The following TIAM2 variants were observed in gnomAD, a reference collection of about 807,000 sequenced individuals.
The protein encoded by TIAM2 is TIAM Rac1 associated GEF 2.
TIAM2 carries 80 observed loss-of-function variants against 152.9 expected under a neutral mutation model. The ratio of observed to expected loss-of-function variants is 0.52; its 90% CI spans 0.44 to 0.63. The LOEUF is 0.63. Ranked by LOEUF, TIAM2 falls within the 30% of genes least tolerant of loss-of-function variation. The probability of loss-of-function intolerance (pLI) is 0.00; values close to 1 mark genes in which losing one functional copy is unlikely to be tolerated. For missense variants in TIAM2, 1,965 were observed against 2,120.1 expected (o/e 0.93, Z 1.44); for synonymous variants, 804 against 838.0 (o/e 0.96, Z 0.70).
intron 1 of TIAM2, among the ~76,000 whole-genome samples, chr6:155,054,669 C>T (rs1242909373): frequency 2.0e-5 from 3 of 151,864 alleles, no homozygotes; most frequent in Admixed American, 6.6e-5. Context: ...CAACCTCCCG[C>T]CCCCTGGGTT....
intron 2 of TIAM2, among the ~76,000 whole-genome samples, chr6:155,117,232 G>T (rs1779037098): frequency 6.6e-6 from 1 of 152,084 alleles, no homozygotes; most frequent in Non-Finnish European, 1.5e-5. Flanking sequence ...CCCTGAGCCA[G>T]AATAGGTTCA....
At chr6:155,098,908 C>A (rs771124447) in intron 2 of TIAM2, among the ~76,000 whole-genome samples, 8 of 152,182 alleles carry the variant, frequency 5.3e-5, no homozygotes, top group Non-Finnish European at 8.8e-5. Flanking sequence ...TACCATAAGG[C>A]CGGGTGCAGT....
chr6:155,101,656 T>C (rs1338969656), intron 2 of TIAM2, among the ~76,000 whole-genome samples: 2 of 152,206 alleles, frequency 1.3e-5, no homozygotes, highest in African/African-American at 4.8e-5. Context: ...TGTTTTCTTC[T>C]TTGAATTCTA....
chr6:155,111,298 T>C (rs1778840487), intron 2 of TIAM2, among the ~76,000 whole-genome samples: 2 of 138,326 alleles, frequency 1.4e-5, no homozygotes, highest in African/African-American at 2.6e-5. Flanking sequence ...ATTCTTGGAA[T>C]ACACACACAC....
chr6:155,029,636 T>TAGTTATATAACTATATATAG (rs1241128626), intron 1 of TIAM2, among the ~76,000 whole-genome samples: 1 of 83,420 alleles, frequency 1.2e-5, no homozygotes, highest in South Asian at 3.1e-4. Context: ...TAACTATATA[T>TAGTTATATAACTATATATAG]AGTTATATAA....
At chr6:155,016,243 G>A (rs1778577829) in intron 1 of TIAM2, 1 of 152,208 alleles carries the variant, frequency 6.6e-6, no homozygotes. Context: ...GTTTGTAGTG[G>A]CAAAGAATTA....
At chr6:155,235,490 G>A (rs140009462) in intron 15 of TIAM2, among the ~76,000 whole-genome samples, 1 of 152,164 alleles carries the variant, frequency 6.6e-6, no homozygotes, top group Non-Finnish European at 1.5e-5. Flanking sequence ...TGCTGATCAG[G>A]TTCACCCAGA....
chr6:155,195,555 G>A (rs1216998855), intron 14 of TIAM2, among the ~76,000 whole-genome samples: 1 of 152,172 alleles, frequency 6.6e-6, no homozygotes, highest in African/African-American at 2.4e-5. Context: ...CCCACGTGGA[G>A]CTTACTTGTA....
In TIAM2 at chr6:155,129,867, G is replaced by A; in HGVS notation, c.644G>A (p.Arg215Lys). 1 of 1,613,758 alleles carries A rather than the reference G, an allele frequency of 6.2e-7. No individual in the cohort carries two copies. The highest frequency in any genetic ancestry group is 8.5e-7 in the Non-Finnish European group (1 of 1,180,032). The change falls in exon 4 of 27, where the codon AGG becomes AAG. Residue 215 changes from arginine (R) to lysine (K), a missense_variant. By Grantham distance (26) the Arg-to-Lys change is conservative (BLOSUM62 2). This residue lies in a region of TIAM2 where 1,025 missense variants were observed against 1,119.4 expected (regional missense o/e 0.92). Coordinates refer to ENST00000682666, the MANE Select transcript of TIAM2 (RefSeq NM_012454.4). This position sits in a 1 kb window ranked among gnomAD's most constrained non-coding sequence, Gnocchi z 4.8. Reference sequence around the variant, plus strand: ...GAAACCTCCCCTGTGCCTGAAGCCAGGAGGGGGTCCAGCGCCGATTCCCTG... The same window carrying A: ...GAAACCTCCCCTGTGCCTGAAGCCAAGAGGGGGTCCAGCGCCGATTCCCTG... The part of the protein sequence containing the change: ...ASETSPVPEA[R>K]RGSSADSLPS...
intron 15 of TIAM2, among the ~76,000 whole-genome samples, chr6:155,223,928 A>G (rs1320199545): frequency 1.3e-5 from 2 of 152,112 alleles, no homozygotes; most frequent in Non-Finnish European, 2.9e-5. Context: ...CACAATTACT[A>G]TCTAATTTTG....
At chr6:155,096,203 CTT>C (rs1021897960) in intron 2 of TIAM2, among the ~76,000 whole-genome samples, 23 of 152,146 alleles carry the variant, frequency 1.5e-4, no homozygotes, top group African/African-American at 5.5e-4. Context: ...TAAAGAAAAA[CTT>C]TTTAAAAATG....
At chr6:155,225,771 A>G (rs897955237) in intron 15 of TIAM2, among the ~76,000 whole-genome samples, 4 of 152,246 alleles carry the variant, frequency 2.6e-5, no homozygotes, top group Non-Finnish European at 4.4e-5. Context: ...TCAGATAAAT[A>G]CTTATATAAA....
chr6:155,153,378 T>C (rs1009302973), intron 7 of TIAM2, among the ~76,000 whole-genome samples: 7 of 151,778 alleles, frequency 4.6e-5, no homozygotes, highest in African/African-American at 1.5e-4. Flanking sequence ...AGGCTGAGGC[T>C]GGAGGTTCAT....
rs1253297063 is a variant in TIAM2 at position 155,218,508 on chromosome 6, G to A, written c.3168+7201G>A. ...CAAGTTACCCAACCTTTGTAAGCCT[G>A]TGTGTCCTCCTCTATGAATAAACAT... On this transcript the variant is annotated intron_variant, in intron 15 of 26. Transcript: ENST00000682666. This position sits in a 1 kb window ranked among gnomAD's most constrained non-coding sequence, Gnocchi z 4.5. 2.6e-5 allele frequency among the ~76,000 whole-genome samples: 4 copies of A among 152,210 alleles called. No individual in the cohort carries two copies. Among genetic ancestry groups the A allele is most frequent in the Admixed American group, 2.0e-4 (3 of 15,282 alleles).
chr6:155,044,839 A>G (rs1353419874), intron 1 of TIAM2, among the ~76,000 whole-genome samples: 3 of 151,682 alleles, frequency 2.0e-5, no homozygotes, highest in Non-Finnish European at 4.4e-5. Flanking sequence ...AAAAAAAAAA[A>G]TAGCTCATCT....
intron 2 of TIAM2, among the ~76,000 whole-genome samples, chr6:155,122,914 C>T (rs1244738116): frequency 6.6e-6 from 1 of 151,826 alleles, no homozygotes; most frequent in Non-Finnish European, 1.5e-5. Context: ...TTTTCAGCCC[C>T]CTTTCTATTA....
intron 5 of TIAM2, among the ~76,000 whole-genome samples, 163 bp downstream of exon 5, chr6:155,137,775 A>G (rs1023655043): frequency 6.6e-6 from 1 of 152,236 alleles, no homozygotes; most frequent in African/African-American, 2.4e-5. Flanking sequence ...CACCCGTGAA[A>G]TAGGCTTTAC....
At position 155,129,578 on chromosome 6, in the gene TIAM2, G is replaced by T. The variant is rs1323104839; in HGVS notation, c.355G>T (p.Val119Phe). The change falls in exon 4 of 27, where the codon GTT (valine) becomes TTT (phenylalanine). Residue 119 changes from valine to phenylalanine, a missense_variant. By Grantham distance (50) the Val-to-Phe change is conservative. Around this residue, in one of 3 missense-constraint regions of TIAM2, gnomAD observed 1,025 missense variants for 1,119.4 expected, o/e 0.92. Coordinates refer to ENST00000682666, the MANE Select transcript of TIAM2 (RefSeq NM_012454.4). This position sits in a 1 kb window ranked among gnomAD's most constrained non-coding sequence, Gnocchi z 4.8. ...CTCAACTGAGAATGGCTTCCACTCT[G>T]TTGGCCACGAGCTGGCAGATAACCA... Reference protein sequence around the residue: ...AFSTENGFHSVGHELADNHIT... With the variant: ...AFSTENGFHSFGHELADNHIT... 2.5e-6 allele frequency: 4 copies of T among 1,614,008 alleles called. No individual in the cohort carries two copies. Among genetic ancestry groups the T allele is most frequent in the East Asian group, 4.5e-5 (2 of 44,880 alleles).
chr6:155,177,664 C>T (rs997468151), intron 10 of TIAM2, among the ~76,000 whole-genome samples: 2 of 152,180 alleles, frequency 1.3e-5, no homozygotes, highest in South Asian at 4.1e-4. Context: ...TAATCATGTG[C>T]ACTTAATAAA....
Sources: allele counts gnomAD v4.1 joint callset (sites outside exome capture counted in the v4.1 genomes callset), GRCh38; gene constraint gnomAD v4.1.1; regional missense constraint gnomAD v4.1.1; non-coding constraint Gnocchi (gnomAD v3.1); transcripts MANE v1.5; gene names NCBI Gene and HGNC (gene_info 2026-07-23, HGNC 2026-07-21).